The following SNTG2 variants were observed in gnomAD, a reference collection of about 807,000 sequenced individuals.
SNTG2 encodes syntrophin gamma 2.
Under a neutral mutation model 70.9 loss-of-function variants are expected in SNTG2, and 74 were observed. The observed-to-expected ratio is 1.04, with a 90% confidence interval of 0.86 to 1.27. SNTG2 has a LOEUF of 1.27. Among genes scored for constraint, SNTG2 ranks in the 50% most tolerant of loss-of-function variants. The pLI, the probability that SNTG2 is intolerant of heterozygous loss-of-function variation, is 0.00. For synonymous variants in SNTG2, 278 were observed against 273.8 expected (o/e 1.02, Z -0.15); for missense variants, 717 against 690.7 (o/e 1.04, Z -0.43).
chr2:1,240,100 G>A (rs956289826), intron 11 of SNTG2, among the ~76,000 whole-genome samples: 19 of 152,172 alleles, frequency 1.2e-4, no homozygotes, highest in Admixed American at 1.1e-3. Context: ...AAACTGAGAA[G>A]GGCTTTGAGA....
At chr2:1,136,990 G>C (rs1395875844) in intron 4 of SNTG2, among the ~76,000 whole-genome samples, 1 of 152,170 alleles carries the variant, frequency 6.6e-6, no homozygotes, top group African/African-American at 2.4e-5. Context: ...ATGTGCATCA[G>C]ACTTTCCATA....
intron 16 of SNTG2, chr2:1,341,133 C>G (rs1242751974): frequency 6.6e-6 from 1 of 152,166 alleles, no homozygotes; most frequent in Admixed American, 6.5e-5. Context: ...CTACGTGTGT[C>G]TCTGCTGTTG....
chr2:1,126,360 C>A (rs1667699280), intron 4 of SNTG2, among the ~76,000 whole-genome samples: 1 of 152,220 alleles, frequency 6.6e-6, no homozygotes, highest in Non-Finnish European at 1.5e-5. Context: ...TGTATATACA[C>A]CACGTTGTCT....
At chr2:968,898 G>T (rs1307071160) in intron 1 of SNTG2, among the ~76,000 whole-genome samples, 3 of 151,934 alleles carry the variant, frequency 2.0e-5, no homozygotes, top group African/African-American at 7.3e-5. Context: ...TCAATGTTTG[G>T]TTTTGTTCCA....
intron 1 of SNTG2, among the ~76,000 whole-genome samples, chr2:1,005,098 C>T (rs1162542080): frequency 6.6e-6 from 1 of 152,104 alleles, no homozygotes; most frequent in Admixed American, 6.5e-5. Flanking sequence ...CTGCAGACTG[C>T]ATGATGCCAA....
chr2:1,188,507 T>G (rs1672383679), intron 8 of SNTG2, among the ~76,000 whole-genome samples: 1 of 152,020 alleles, frequency 6.6e-6, no homozygotes. Flanking sequence ...TCAAAATAAA[T>G]TTTCATACAT....
At chr2:1,141,808 A>G (rs1668769119) in intron 6 of SNTG2, among the ~76,000 whole-genome samples, 1 of 151,192 alleles carries the variant, frequency 6.6e-6, no homozygotes, top group African/African-American at 2.4e-5. Context: ...AAGAGCCCCA[A>G]GGCGTGTTTG....
intron 8 of SNTG2, among the ~76,000 whole-genome samples, chr2:1,181,083 G>A (rs1266181542): frequency 6.6e-6 from 1 of 152,106 alleles, no homozygotes; most frequent in African/African-American, 2.4e-5. Context: ...GGGGGAAGGG[G>A]AGAGGGATAG....
At chr2:1,109,060 G>T (rs940467238) in intron 4 of SNTG2, among the ~76,000 whole-genome samples, 1 of 151,490 alleles carries the variant, frequency 6.6e-6, no homozygotes, top group African/African-American at 2.4e-5. Context: ...TCGGGTGCAG[G>T]GTATGGAGAG....
chr2:1,306,850 G>A (rs775396008), intron 14 of SNTG2, among the ~76,000 whole-genome samples: 5 of 151,700 alleles, frequency 3.3e-5, no homozygotes, highest in African/African-American at 4.9e-5. Flanking sequence ...GTGCGTGCAC[G>A]TGTGTATGCC....
chr2:1,016,057 T>G (rs1171188030), intron 1 of SNTG2, among the ~76,000 whole-genome samples: 1 of 152,196 alleles, frequency 6.6e-6, no homozygotes, highest in African/African-American at 2.4e-5. Flanking sequence ...AAATATTACA[T>G]TACTGTTAAA....
At chr2:1,026,282 T>C (rs537153737) in intron 1 of SNTG2, among the ~76,000 whole-genome samples, 2 of 152,326 alleles carry the variant, frequency 1.3e-5, no homozygotes, top group South Asian at 2.1e-4. Context: ...AGACTCTCAA[T>C]TGGCGTTCCT....
chr2:1,123,265 C>G (rs990671290), intron 4 of SNTG2, among the ~76,000 whole-genome samples: 3 of 151,688 alleles, frequency 2.0e-5, no homozygotes, highest in Admixed American at 2.0e-4. Flanking sequence ...CCAAACAGTT[C>G]TAAGAAAAAA....
At chr2:1,248,263 GA>G (rs1677553072) in intron 12 of SNTG2, among the ~76,000 whole-genome samples, 9 of 152,288 alleles carry the variant, frequency 5.9e-5, no homozygotes, top group Admixed American at 4.6e-4. Flanking sequence ...CAGATTTATG[GA>G]AAAGCTGCAC....
At position 965,105 on chromosome 2, in the gene SNTG2, CT is replaced by C. The variant is rs142717978; in HGVS notation, c.72+14039del. On this transcript the variant is annotated intron_variant, in intron 1 of 16. Transcript: ENST00000308624. Reference sequence around the variant, plus strand: ...CCTCCTCTGGACTCCAGTTCTCCTCCTTGGACCCCAGTCCTCCTCCTTGGAC... The same window carrying C: ...CCTCCTCTGGACTCCAGTTCTCCTCCTGGACCCCAGTCCTCCTCCTTGGAC... 1.3e-3 allele frequency among the ~76,000 whole-genome samples: 194 copies of C among 149,032 alleles called. 7 individuals are homozygous for C. In the East Asian group the frequency reaches 0.031, roughly 24 times the overall value.
At chr2:1,252,457 A>G (rs1334016760) in intron 12 of SNTG2, among the ~76,000 whole-genome samples, 1 of 152,232 alleles carries the variant, frequency 6.6e-6, no homozygotes, top group African/African-American at 2.4e-5. Flanking sequence ...TTAGTACATT[A>G]TAAATATCAT....
intron 12 of SNTG2, 91 bp from the exon 13 acceptor site, chr2:1,259,279 A>G: frequency 9.6e-7 from 1 of 1,043,572 alleles, no homozygotes; most frequent in African/African-American, 1.6e-5. Context: ...ATTGAGGTGG[A>G]CACACATGCA....
At chr2:1,221,433 C>G (rs1263898708) in intron 9 of SNTG2, among the ~76,000 whole-genome samples, 6 of 130,836 alleles carry the variant, frequency 4.6e-5, no homozygotes, top group African/African-American at 2.0e-4. Context: ...CTCTGTCTCT[C>G]TCTGTCTCTG....
At chr2:1,273,058 C>T (rs565513297) in intron 14 of SNTG2, among the ~76,000 whole-genome samples, 148 of 152,330 alleles carry the variant, frequency 9.7e-4, no homozygotes, top group Non-Finnish European at 1.4e-3. Context: ...GAGCCGGTCA[C>T]GCACGGTGCT....
Sources: allele counts gnomAD v4.1 joint callset (sites outside exome capture counted in the v4.1 genomes callset), GRCh38; gene constraint gnomAD v4.1.1; transcripts MANE v1.5; gene names NCBI Gene and HGNC (gene_info 2026-07-23, HGNC 2026-07-21).